Variants in DDX11 observed in about 807,000 individuals in gnomAD.
DDX11 encodes the protein DEAD/H-box helicase 11.
In DDX11, 72 loss-of-function variants were observed where a neutral mutation model predicts 125.2. The ratio of observed to expected loss-of-function variants is 0.58; its 90% CI spans 0.48 to 0.70. The LOEUF is 0.70. Ranked by LOEUF, DDX11 falls within the 30% of genes least tolerant of loss-of-function variation. The pLI, the probability that DDX11 is intolerant of heterozygous loss-of-function variation, is 0.00. For missense variants in DDX11, 883 were observed against 1,165.0 expected (o/e 0.76, Z 3.52); for synonymous variants, 347 against 452.6 (o/e 0.77, Z 2.96).
At chr12:31,086,204 C>T (rs1444737339) in intron 5 of DDX11, 2 of 443,916 alleles carry the variant, frequency 4.5e-6, no homozygotes, top group Non-Finnish European at 9.0e-6. Context: ...CCTTTAAGGC[C>T]TGGCTCAGGT....
intron 1 of DDX11, among the ~76,000 whole-genome samples, chr12:31,077,583 C>G (rs1457516000): frequency 2.0e-5 from 3 of 151,914 alleles, no homozygotes; most frequent in Non-Finnish European, 4.4e-5. Flanking sequence ...TGCGGTGGCT[C>G]ACGCCTGTAA....
chr12:31,096,851 C>T lies in DDX11; in HGVS notation c.1631-8C>T. 3.1e-6 allele frequency: 5 copies of T among 1,614,210 alleles called. No individual in the cohort carries two copies. In the South Asian group the frequency reaches 4.4e-5, roughly 14 times the overall value. ...AGGGAGGCCTCCTCCCCGTTCTGCT[C>T]TGTGCAGCTCTTGCAGCCCCTGCAG... On this transcript the variant is annotated splice_polypyrimidine_tract_variant and splice_region_variant and intron_variant, in intron 16 of 26. Coordinates refer to ENST00000542838, the MANE Select transcript of DDX11 (RefSeq NM_030653.4).
Position 31,102,319 on chromosome 12 carries a change from C to T in DDX11, c.2271+8C>T, listed in dbSNP as rs377276475. ...TATTCCAGGTGCATCCAGGTGCGGG[C>T]GTCATGCTGGGCTTGGGTCTGAGAT... On this transcript the variant is annotated splice_region_variant and intron_variant, in intron 22 of 26. Coordinates refer to ENST00000542838, the MANE Select transcript of DDX11 (RefSeq NM_030653.4). 10 of 1,613,646 alleles carry T rather than the reference C, an allele frequency of 6.2e-6. No individual in the cohort carries two copies. The highest frequency in any genetic ancestry group is 4.5e-5 in the East Asian group (2 of 44,876).
chr12:31,102,194 A>T, intron 21 of DDX11, 49 bp from the exon 22 acceptor site: 1 of 1,597,692 alleles, frequency 6.3e-7, no homozygotes, highest in Non-Finnish European at 8.6e-7. Context: ...CAGACTCGAG[A>T]CCTGGCACCC....
chr12:31,080,115 G>C (rs1182740152), intron 2 of DDX11, among the ~76,000 whole-genome samples: 2 of 139,576 alleles, frequency 1.4e-5, no homozygotes, highest in Non-Finnish European at 3.1e-5. Flanking sequence ...TGAGTCTGCA[G>C]GGCACTGGCT....
At position 31,091,767 on chromosome 12, in the gene DDX11, G is replaced by T. The variant is rs192257386; in HGVS notation, c.1138G>T (p.Ala380Ser). 1.2e-6 allele frequency: 2 copies of T among 1,613,770 alleles called. No individual in the cohort carries two copies. The highest frequency in any genetic ancestry group is 3.3e-5 in the Admixed American group (2 of 60,016). Residue 380 changes from alanine to serine, a missense_variant, in exon 10 of 27, where the codon GCC (alanine) becomes TCC (serine). Physicochemically the swap from Ala to Ser is moderately conservative, Grantham distance 99 (BLOSUM62 1). Around this residue, in one of 5 missense-constraint regions of DDX11, gnomAD observed 72 missense variants for 159.7 expected, o/e 0.45. Coordinates refer to ENST00000542838, the MANE Select transcript of DDX11 (RefSeq NM_030653.4). ...GCTGCTGCATGCGGCCACTCGGCAGGCCGCGGGCATCCGGCTGCAGGACCA... is the reference window on the plus strand; with the variant it reads ...GCTGCTGCATGCGGCCACTCGGCAGTCCGCGGGCATCCGGCTGCAGGACCA... ...QMLLHAATRQAAGIRLQDQVV... is the reference protein window; with the variant it reads ...QMLLHAATRQSAGIRLQDQVV...
chr12:31,104,419 C>G lies in DDX11; in HGVS notation c.*583C>G, dbSNP rs1946904493. ...CCCACAGCCCTGCCTGGATTTGTAT[C>G]CTTGGCTTCGTGCCAGTTCCTCCAA... On this transcript the variant is annotated 3_prime_UTR_variant, in exon 27 of 27. Coordinates refer to ENST00000542838, the MANE Select transcript of DDX11 (RefSeq NM_030653.4). The G allele has an allele frequency of 4.6e-6, 1 of 217,842 alleles. No homozygotes were observed. Among genetic ancestry groups the G allele is most frequent in the Non-Finnish European group, 9.2e-6 (1 of 109,042 alleles). The allele number at this position is 217,842 out of a possible 1,614,324, so 13.5% of individuals were successfully genotyped here.
chr12:31,103,140 C>T (rs183863434), intron 24 of DDX11, 120 bp downstream of exon 24: 13 of 1,373,980 alleles, frequency 9.5e-6, no homozygotes, highest in African/African-American at 5.7e-5. Flanking sequence ...CTGCCCCCTC[C>T]GGAAGCTTGG....
At chr12:31,080,355 C>T (rs1331351272) in intron 2 of DDX11, among the ~76,000 whole-genome samples, 1 of 152,236 alleles carries the variant, frequency 6.6e-6, no homozygotes, top group African/African-American at 2.4e-5. Context: ...CTCCCCCTCC[C>T]TCTTGCCTCC....
At chr12:31,078,930 G>A (rs750731463) in intron 2 of DDX11, among the ~76,000 whole-genome samples, 10 of 152,054 alleles carry the variant, frequency 6.6e-5, no homozygotes, top group South Asian at 2.1e-4. Flanking sequence ...CTCGTGATCC[G>A]CCCGCTTCGG....
chr12:31,092,274 G>T (rs1020777169), intron 10 of DDX11, among the ~76,000 whole-genome samples: 6 of 152,008 alleles, frequency 3.9e-5, no homozygotes, highest in Admixed American at 3.9e-4. Context: ...CCTATCATGC[G>T]CCATGCATGG....
At chr12:31,090,720 G>A (rs1222900736) in intron 9 of DDX11, among the ~76,000 whole-genome samples, 4 of 152,168 alleles carry the variant, frequency 2.6e-5, no homozygotes, top group Non-Finnish European at 5.9e-5. Context: ...CTTTGGAAAC[G>A]GGATATCACT....
At chr12:31,089,007 G>A (rs1943667063) in intron 6 of DDX11, 37 bp from the exon 7 acceptor site, 1 of 1,556,688 alleles carries the variant, frequency 6.4e-7, no homozygotes, top group African/African-American at 1.4e-5. Context: ...GGATGTTTTG[G>A]TTCTCTCTTT....
rs748906306 is a variant in DDX11, at chr12:31,101,869, G to A, written c.2089G>A (p.Gly697Ser). The A allele has an allele frequency of 1.4e-5, 23 of 1,613,840 alleles. No individual in the cohort carries two copies. Among genetic ancestry groups the A allele is most frequent in the South Asian group, 3.3e-5 (3 of 91,080 alleles). ...EVGRILCNLCGVVPGGVVCFF... is the reference protein window; with the variant it reads ...EVGRILCNLCSVVPGGVVCFF... ...GGGTCGCATTCTCTGTAACCTGTGC[G>A]GTGTGGTTCCTGGAGGGGTGGTCTG... Residue 697 changes from glycine (G) to serine (S), a missense_variant, in exon 21 of 27, where the codon GGT (glycine) becomes AGT (serine). By Grantham distance (56) the Gly-to-Ser change is moderately conservative (BLOSUM62 0). Transcript: ENST00000542838.
chr12:31,084,382 G>T (rs1356241883), intron 3 of DDX11, among the ~76,000 whole-genome samples: 1 of 152,240 alleles, frequency 6.6e-6, no homozygotes, highest in African/African-American at 2.4e-5. Flanking sequence ...TGGGAGGAGT[G>T]TGCCGCCTTC....
At chr12:31,090,790 A>G (rs1284948098) in intron 9 of DDX11, among the ~76,000 whole-genome samples, 1 of 152,230 alleles carries the variant, frequency 6.6e-6, no homozygotes, top group African/African-American at 2.4e-5. Flanking sequence ...TCAGGGAACT[A>G]AGTAACCATT....
intron 1 of DDX11, 184 bp from the exon 2 acceptor site, chr12:31,078,206 G>A (rs1405101112): frequency 6.5e-7 from 1 of 1,532,766 alleles, no homozygotes; most frequent in Admixed American, 2.0e-5. Flanking sequence ...TGGAGTGCGT[G>A]ATTCTGGTAT....
At chr12:31,094,725 T>C in intron 13 of DDX11, 30 bp from the exon 14 acceptor site, 1 of 1,594,260 alleles carries the variant, frequency 6.3e-7, no homozygotes. Context: ...AGGGTGAAGC[T>C]CCCAAGGCCC....
chr12:31,076,339 T>C (rs1940716142), intron 1 of DDX11, among the ~76,000 whole-genome samples: 1 of 152,198 alleles, frequency 6.6e-6, no homozygotes, highest in Non-Finnish European at 1.5e-5. Flanking sequence ...TGTTTGCTGG[T>C]GACGTTCCTG....
Sources: gnomAD v4.1 joint callset for allele counts (sites outside exome capture counted in the v4.1 genomes callset) on GRCh38, gnomAD v4.1.1 for gene constraint, gnomAD v4.1.1 regional missense constraint, MANE v1.5 for transcripts, NCBI Gene and HGNC (gene_info 2026-07-23, HGNC 2026-07-21) for gene names.